The following MARCHF1 variants were observed in gnomAD, a reference collection of about 807,000 sequenced individuals.
MARCHF1 encodes the protein E3 ubiquitin-protein ligase MARCHF1.
Under a neutral mutation model 54.2 loss-of-function variants are expected in MARCHF1, and 40 were observed. The observed-to-expected ratio is 0.74, with a 90% CI of 0.57 to 0.96. The LOEUF (loss-of-function observed/expected upper bound fraction) is 0.96, where lower values mean the gene tolerates loss of function less well. Ranked by LOEUF, MARCHF1 falls within the 40% of genes least tolerant of loss-of-function variation. MARCHF1 has a pLI of 0.00. For synonymous variants in MARCHF1, 236 were observed against 236.3 expected, an observed-to-expected ratio of 1.00 and a Z score of 0.01; for missense variants, 586 against 656.5, an observed-to-expected ratio of 0.89 and a Z score of 1.17.
intron 4 of MARCHF1, among the ~76,000 whole-genome samples, chr4:163,734,763 A>G (rs1169308152): frequency 2.0e-5 from 3 of 152,130 alleles, no homozygotes; most frequent in Non-Finnish European, 4.4e-5. Flanking sequence ...GATTGCAGTA[A>G]TGATTTCACA....
chr4:164,318,629 G>C (rs1298449193), intron 1 of MARCHF1, among the ~76,000 whole-genome samples: 2 of 152,178 alleles, frequency 1.3e-5, no homozygotes, highest in African/African-American at 4.8e-5. Context: ...TTGGCCTATA[G>C]AAATGAATGT....
intron 3 of MARCHF1, among the ~76,000 whole-genome samples, chr4:163,938,230 T>C (rs1321415477): frequency 3.3e-5 from 5 of 152,102 alleles, no homozygotes; most frequent in African/African-American, 1.2e-4. Flanking sequence ...AAAATGAAGG[T>C]AAATAAGGCC....
chr4:164,252,431 C>A (rs1733155889), intron 1 of MARCHF1, among the ~76,000 whole-genome samples: 4 of 152,070 alleles, frequency 2.6e-5, no homozygotes, highest in Admixed American at 2.6e-4. Context: ...AAGCTTCAAC[C>A]AAGGCAGGAA....
chr4:163,730,011 G>A (rs1051841312), intron 4 of MARCHF1, among the ~76,000 whole-genome samples: 8 of 151,970 alleles, frequency 5.3e-5, no homozygotes, highest in Non-Finnish European at 8.8e-5. Flanking sequence ...GATTTTCTCT[G>A]TGCTCTTTTT....
chr4:163,875,758 A>G (rs1750274245), intron 3 of MARCHF1, among the ~76,000 whole-genome samples: 1 of 152,200 alleles, frequency 6.6e-6, no homozygotes, highest in Admixed American at 6.5e-5. Flanking sequence ...GCAACAATAC[A>G]ACGAGGTCAG....
chr4:163,611,695 T>C (rs1186195688), intron 7 of MARCHF1, among the ~76,000 whole-genome samples: 1 of 152,110 alleles, frequency 6.6e-6, no homozygotes, highest in Non-Finnish European at 1.5e-5. Context: ...TTTCGGTATA[T>C]GTTTATCAGT....
At chr4:164,002,236 C>A (rs979843854) in intron 2 of MARCHF1, among the ~76,000 whole-genome samples, 2 of 151,442 alleles carry the variant, frequency 1.3e-5, no homozygotes, top group Admixed American at 6.6e-5. Flanking sequence ...GTAATTCTGA[C>A]CTTAATCACG....
At chr4:163,977,834 A>G (rs1752679474) in intron 3 of MARCHF1, among the ~76,000 whole-genome samples, 1 of 152,222 alleles carries the variant, frequency 6.6e-6, no homozygotes, top group South Asian at 2.1e-4. Context: ...TAAACTTTCA[A>G]CGAACTTTTT....
chr4:164,204,683 C>A (rs1448942855), intron 1 of MARCHF1, among the ~76,000 whole-genome samples: 1 of 152,138 alleles, frequency 6.6e-6, no homozygotes, highest in African/African-American at 2.4e-5. Context: ...CTATGACAGG[C>A]ATCAGGAAGC....
intron 1 of MARCHF1, among the ~76,000 whole-genome samples, chr4:164,119,350 A>G (rs1431032336): frequency 6.6e-6 from 1 of 151,528 alleles, no homozygotes; most frequent in Admixed American, 6.6e-5. Flanking sequence ...AGGATTATAT[A>G]GTATAAGCAA....
chr4:164,012,465 T>C (rs1263187409), intron 2 of MARCHF1, among the ~76,000 whole-genome samples: 1 of 152,096 alleles, frequency 6.6e-6, no homozygotes, highest in Non-Finnish European at 1.5e-5. Flanking sequence ...ATTGCCTTGA[T>C]AAGAAGGACC....
chr4:164,332,978 G>A (rs1465352739), intron 1 of MARCHF1, among the ~76,000 whole-genome samples: 2 of 151,816 alleles, frequency 1.3e-5, no homozygotes, highest in East Asian at 1.9e-4. Flanking sequence ...GAATATTATG[G>A]TATTGTTCAA....
At chr4:164,165,076 G>A (rs951479429) in intron 1 of MARCHF1, among the ~76,000 whole-genome samples, 4 of 151,924 alleles carry the variant, frequency 2.6e-5, no homozygotes, top group East Asian at 1.9e-4. Flanking sequence ...TTTAAAGAGC[G>A]CATGTCAGAT....
chr4:164,257,182 A>G (rs1733311714), intron 1 of MARCHF1, among the ~76,000 whole-genome samples: 1 of 152,194 alleles, frequency 6.6e-6, no homozygotes, highest in African/African-American at 2.4e-5. Context: ...GCAGTTACTC[A>G]GTAAAACTTT....
intron 5 of MARCHF1, among the ~76,000 whole-genome samples, chr4:163,642,797 T>C (rs1742600823): frequency 6.6e-6 from 1 of 152,160 alleles, no homozygotes; most frequent in Admixed American, 6.5e-5. Flanking sequence ...TGGAGTGCTA[T>C]GATAAAAATT....
rs1445629421 is a variant in MARCHF1 at position 164,000,850 on chromosome 4, C to T, written c.-247-12141G>A. Among the ~76,000 whole-genome samples, 16 of 151,420 alleles carry T rather than the reference C, an allele frequency of 1.1e-4. No homozygotes were observed. The Middle Eastern group carries it at 0.01, about 98-fold the overall frequency. The stretch of plus-strand genomic sequence containing the variant: ...TGTTTACTATTATATGGAATAGAAA[C>T]AATAGAAACAATGATTACTGTTGTT... On this transcript the variant is annotated intron_variant, in intron 2 of 9. Transcript: ENST00000514618.
intron 3 of MARCHF1, among the ~76,000 whole-genome samples, chr4:163,884,709 A>G (rs1420908589): frequency 6.6e-6 from 1 of 152,196 alleles, no homozygotes; most frequent in Non-Finnish European, 1.5e-5. Context: ...TCTTCAGTCC[A>G]TATTGTCCTT....
chr4:163,732,980 C>T (rs146648726), intron 4 of MARCHF1, among the ~76,000 whole-genome samples: 2,281 of 150,726 alleles, frequency 0.015, 56 homozygotes, highest in African/African-American at 0.053. Flanking sequence ...GGTGAAGCCC[C>T]GTCTCTACTA....
intron 3 of MARCHF1, among the ~76,000 whole-genome samples, chr4:163,930,196 C>G (rs1394260599): frequency 2.7e-5 from 4 of 150,788 alleles, no homozygotes; most frequent in African/African-American, 9.8e-5. Flanking sequence ...CTAAGTTAGA[C>G]AGTAACTGTA....
Sources: allele counts gnomAD v4.1 joint callset (sites outside exome capture counted in the v4.1 genomes callset), GRCh38; gene constraint gnomAD v4.1.1; transcripts MANE v1.5; gene names NCBI Gene and HGNC (gene_info 2026-07-23, HGNC 2026-07-21).